The following CAMK2B variants were observed in gnomAD, a reference collection of about 807,000 sequenced individuals.
The protein encoded by CAMK2B is calcium/calmodulin dependent protein kinase II beta, also known as calcium/calmodulin-dependent protein kinase type II subunit beta.
Under a neutral mutation model 93.7 loss-of-function variants are expected in CAMK2B, and 27 were observed. That is an observed-to-expected ratio of 0.29 (90% CI 0.21 to 0.40). The LOEUF (loss-of-function observed/expected upper bound fraction) is 0.40. CAMK2B is among the 10% of genes least tolerant of loss of function. CAMK2B has a pLI of 1.00. For synonymous variants in CAMK2B, 374 were observed against 358.8 expected, an observed-to-expected ratio of 1.04 and a Z score of -0.48; for missense variants, 568 against 895.8, an observed-to-expected ratio of 0.63 and a Z score of 4.67.
chr7:44,243,239 C>T lies in CAMK2B; in HGVS notation c.601+11G>A, dbSNP rs776302258. 2 of 1,609,790 alleles carry T rather than the reference C, an allele frequency of 1.2e-6. No homozygotes were observed. The highest frequency in any genetic ancestry group is 2.2e-5 in the South Asian group (2 of 90,956). ...AGGCCCTGCCCCGCACCAACTCAGG[C>T]CAGGCCTCACCACATGCCCAGATGT... On this transcript the variant is annotated intron_variant, in intron 8 of 23. Coordinates refer to ENST00000395749, the MANE Select transcript of CAMK2B (RefSeq NM_001220.5).
chr7:44,224,478 G>T lies in CAMK2B; in HGVS notation c.1597+2038C>A, dbSNP rs78517643. On this transcript the variant is annotated intron_variant, in intron 20 of 23. Coordinates refer to ENST00000395749, the MANE Select transcript of CAMK2B (RefSeq NM_001220.5). The surrounding 1 kb of genome is among the most constrained non-coding windows in gnomAD (Gnocchi z 4.4). Reference sequence around the variant, plus strand: ...GTGGTGGGCAGGGCCTGGGCTTGGAGGGGTCTGCACGAGCCAAGAGCCTCT... The same window carrying T: ...GTGGTGGGCAGGGCCTGGGCTTGGATGGGTCTGCACGAGCCAAGAGCCTCT... Among the ~76,000 whole-genome samples the T allele has an allele frequency of 8.2e-3, 1,243 of 152,334 alleles. 20 individuals carry two copies. Among genetic ancestry groups the T allele is most frequent in the African/African-American group, 0.028 (1,184 of 41,568 alleles).
rs1252132584 is a variant in CAMK2B, at chr7:44,312,302, T to A, written c.65+13055A>T. ...CCAGGTGTCAGTGGCGAGAGGGTGG[T>A]GGTGGGAGGGTGGGGCAGAGACCCA... On this transcript the variant is annotated intron_variant, in intron 1 of 23. Coordinates refer to ENST00000395749, the MANE Select transcript of CAMK2B (RefSeq NM_001220.5). The surrounding 1 kb of genome is among the most constrained non-coding windows in gnomAD (Gnocchi z 4.1). Among the ~76,000 whole-genome samples, 2 of 147,868 alleles carry A rather than the reference T, an allele frequency of 1.4e-5. No individual in the cohort carries two copies. The highest frequency in any genetic ancestry group is 1.3e-4 in the Admixed American group (2 of 14,936).
chr7:44,304,517 T>C (rs1790913696), intron 1 of CAMK2B, among the ~76,000 whole-genome samples: 1 of 152,232 alleles, frequency 6.6e-6, no homozygotes, highest in South Asian at 2.1e-4. Flanking sequence ...GAAGGCCACA[T>C]ACTGTGTGAG....
chr7:44,285,023 G>C (rs1382882619), intron 1 of CAMK2B, among the ~76,000 whole-genome samples: 2 of 152,152 alleles, frequency 1.3e-5, no homozygotes, highest in African/African-American at 2.4e-5. Flanking sequence ...AGGCTGCTGA[G>C]GCCATCGAGA....
chr7:44,228,224 C>T (rs2096539000), intron 19 of CAMK2B, among the ~76,000 whole-genome samples: 1 of 151,986 alleles, frequency 6.6e-6, no homozygotes, highest in Admixed American at 6.5e-5. Flanking sequence ...TGAGGACAGC[C>T]CAGGTCAGCA....
Position 44,229,494 on chromosome 7 carries a change from C to G in CAMK2B, c.1233G>C (p.Arg411Ser). 7.0e-7 allele frequency: 1 copy of G among 1,431,838 alleles called. No homozygotes were observed. Among genetic ancestry groups the G allele is most frequent in the African/African-American group, 1.5e-5 (1 of 67,264 alleles). The allele number at this position is 1,431,838 out of a possible 1,614,324, so 88.7% of individuals were successfully genotyped here. The change falls in exon 18 of 24, where the codon AGG becomes AGC. Residue 411 changes from arginine to serine, a missense_variant. Arg to Ser is a moderately radical substitution (Grantham distance 110). Around this residue, in one of 4 missense-constraint regions of CAMK2B, gnomAD observed 308 missense variants for 292.1 expected, o/e 1.05. Transcript: ENST00000395749. Reference protein sequence around the residue: ...TIEDEDAKAPRVPDILSSVRR... With the variant: ...TIEDEDAKAPSVPDILSSVRR... ...TCACTGAGCTCAGGATGTCGGGGAC[C>G]CTGGGGGCTGAGGCGGAACAGGTGA...
intron 2 of CAMK2B, 43 bp downstream of exon 2, chr7:44,284,088 C>T (rs372696214): frequency 1.8e-5 from 27 of 1,475,940 alleles, no homozygotes; most frequent in Non-Finnish European, 2.4e-5. Context: ...AAGCCCCTGC[C>T]CCAGCCTGAC....
intron 1 of CAMK2B, among the ~76,000 whole-genome samples, chr7:44,300,211 T>C (rs1789569411): frequency 2.0e-5 from 3 of 152,098 alleles, no homozygotes; most frequent in Admixed American, 6.5e-5. Context: ...ATTTTTTTAA[T>C]TTTTTGTAGA....
At position 44,220,142 on chromosome 7, in the gene CAMK2B, G is replaced by A. The variant is rs2128857849; in HGVS notation, c.1921C>T (p.Arg641Cys). The change falls in exon 23 of 24, where the codon CGC (arginine) becomes TGC (cysteine). Residue 641 changes from arginine (R) to cysteine (C), a missense_variant. Arg to Cys is a radical substitution (Grantham distance 180). Around this residue, in one of 4 missense-constraint regions of CAMK2B, gnomAD observed 116 missense variants for 188.0 expected, o/e 0.62. Transcript: ENST00000395749. Reference protein sequence around the residue: ...RPRTSQSEETRVWHRRDGKWQ... With the variant: ...RPRTSQSEETCVWHRRDGKWQ... ...TTGCCGTCGCGGCGGTGCCACACGCGGGTCTCCTCAGACTGGCTGGTGCGG... is the reference window on the plus strand; with the variant it reads ...TTGCCGTCGCGGCGGTGCCACACGCAGGTCTCCTCAGACTGGCTGGTGCGG... 1 of 1,612,446 alleles carries A rather than the reference G, an allele frequency of 6.2e-7. No individual in the cohort carries two copies. Among genetic ancestry groups the A allele is most frequent in the Non-Finnish European group, 8.5e-7 (1 of 1,179,882 alleles).
At chr7:44,320,680 C>G (rs1584965568) in intron 1 of CAMK2B, among the ~76,000 whole-genome samples, 1 of 152,366 alleles carries the variant, frequency 6.6e-6, no homozygotes, top group Admixed American at 6.5e-5. Context: ...AAACTAGCAT[C>G]ACCTTAATGC....
intron 2 of CAMK2B, among the ~76,000 whole-genome samples, chr7:44,273,533 TG>T (rs1300232078): frequency 4.7e-5 from 7 of 149,322 alleles, no homozygotes; most frequent in African/African-American, 1.7e-4. Flanking sequence ...CTCCCAGCCC[TG>T]GTGCGATGGG....
intron 1 of CAMK2B, among the ~76,000 whole-genome samples, chr7:44,318,419 A>G (rs1795311590): frequency 6.6e-6 from 1 of 152,214 alleles, no homozygotes; most frequent in Admixed American, 6.5e-5. Flanking sequence ...AAGCAGTCCC[A>G]GGTGCAAGGC....
At chr7:44,310,670 T>C (rs1793299430) in intron 1 of CAMK2B, among the ~76,000 whole-genome samples, 1 of 152,208 alleles carries the variant, frequency 6.6e-6, no homozygotes, top group African/African-American at 2.4e-5. Flanking sequence ...TGGGTGAAAC[T>C]TGAAGACATT....
At chr7:44,281,289 T>C (rs78556739) in intron 2 of CAMK2B, among the ~76,000 whole-genome samples, 47 of 152,326 alleles carry the variant, frequency 3.1e-4, no homozygotes, top group East Asian at 1.9e-3. Flanking sequence ...CACCAGACAC[T>C]TGTGGGTCTT....
chr7:44,283,537 C>T (rs1784296139), intron 2 of CAMK2B, among the ~76,000 whole-genome samples: 1 of 152,258 alleles, frequency 6.6e-6, no homozygotes, highest in Admixed American at 6.5e-5. Flanking sequence ...CCTCCCAGGA[C>T]AGGCGGAGTG....
chr7:44,259,445 C>T (rs1169079807), intron 3 of CAMK2B: 1 of 158,706 alleles, frequency 6.3e-6, no homozygotes, highest in Non-Finnish European at 1.4e-5. Context: ...CCTGCCAGCA[C>T]AGGCTGGTGG....
intron 5 of CAMK2B, among the ~76,000 whole-genome samples, chr7:44,250,166 C>T (rs952569538): frequency 6.6e-6 from 1 of 152,230 alleles, no homozygotes; most frequent in African/African-American, 2.4e-5. Context: ...GGACAACCAC[C>T]TGGCCTGGGA....
At chr7:44,321,888 C>T (rs890866609) in intron 1 of CAMK2B, among the ~76,000 whole-genome samples, 1 of 152,226 alleles carries the variant, frequency 6.6e-6, no homozygotes, top group Admixed American at 6.5e-5. Context: ...GGGGCGGCCC[C>T]AACGCTGCTG....
At chr7:44,220,562 G>A in intron 22 of CAMK2B, 54 bp downstream of exon 22, 1 of 1,471,184 alleles carries the variant, frequency 6.8e-7, no homozygotes, top group Non-Finnish European at 9.4e-7. Context: ...GAGGGGCCGA[G>A]AGGCTCTCCT....
Sources: allele counts gnomAD v4.1 joint callset (sites outside exome capture counted in the v4.1 genomes callset), GRCh38; gene constraint gnomAD v4.1.1; regional missense constraint gnomAD v4.1.1; non-coding constraint Gnocchi (gnomAD v3.1); transcripts MANE v1.5; gene names NCBI Gene and HGNC (gene_info 2026-07-23, HGNC 2026-07-21).